Variants in NOTCH2 observed in about 807,000 individuals in gnomAD.
NOTCH2 encodes notch receptor 2.
NOTCH2 carries 29 observed loss-of-function variants against 235.8 expected under a neutral mutation model. The observed-to-expected ratio is 0.12, with a 90% confidence interval of 0.09 to 0.17. NOTCH2 has a LOEUF of 0.17. NOTCH2 is among the 10% of genes least tolerant of loss of function. NOTCH2 has a pLI of 1.00. For missense variants in NOTCH2, 2,285 were observed against 3,150.2 expected, an observed-to-expected ratio of 0.73 and a Z score of 6.57; for synonymous variants, 1,086 against 1,141.5, an observed-to-expected ratio of 0.95 and a Z score of 0.98.
At chr1:120,001,974 C>G (rs1360827584) in intron 3 of NOTCH2, among the ~76,000 whole-genome samples, 1 of 152,042 alleles carries the variant, frequency 6.6e-6, no homozygotes, top group East Asian at 1.9e-4. Context: ...GGGCAAAGTT[C>G]TCAAGAAGGC....
At chr1:119,918,062 T>C (rs1226823480) in intron 32 of NOTCH2, among the ~76,000 whole-genome samples, 1 of 152,148 alleles carries the variant, frequency 6.6e-6, no homozygotes, top group African/African-American at 2.4e-5. Flanking sequence ...ATATATTACA[T>C]GTCAGAATTT....
At chr1:120,064,628 G>A (rs1275726775) in intron 1 of NOTCH2, among the ~76,000 whole-genome samples, 1 of 150,266 alleles carries the variant, frequency 6.7e-6, no homozygotes, top group Admixed American at 6.6e-5. Flanking sequence ...CACAGACCTG[G>A]CCCTCAAGGA....
chr1:119,980,253 T>C (rs1190931174), intron 5 of NOTCH2, among the ~76,000 whole-genome samples: 5 of 152,180 alleles, frequency 3.3e-5, no homozygotes, highest in Non-Finnish European at 7.3e-5. Context: ...ACTATAACTT[T>C]CCCATCTTCT....
At chr1:119,932,512 A>G (rs927708216) in intron 22 of NOTCH2, among the ~76,000 whole-genome samples, 2 of 152,128 alleles carry the variant, frequency 1.3e-5, no homozygotes, top group Non-Finnish European at 2.9e-5. Context: ...ACTCGAACCC[A>G]GGAGGCGGAG....
At chr1:120,040,941 T>C (rs1417414043) in intron 1 of NOTCH2, among the ~76,000 whole-genome samples, 1 of 144,904 alleles carries the variant, frequency 6.9e-6, no homozygotes, top group Non-Finnish European at 1.5e-5. Context: ...CTAGGGAGTC[T>C]GAGGCAGGAG....
At chr1:119,949,381 TTC>T (rs1553197459) in intron 15 of NOTCH2, among the ~76,000 whole-genome samples, 4 of 150,328 alleles carry the variant, frequency 2.7e-5, no homozygotes, top group African/African-American at 4.9e-5. Context: ...ACACTACTAT[TTC>T]TTTTTTTTTT....
intron 2 of NOTCH2, among the ~76,000 whole-genome samples, chr1:120,009,728 C>T (rs1314763808): frequency 2.7e-5 from 4 of 148,602 alleles, no homozygotes; most frequent in Admixed American, 6.6e-5. Context: ...CTCCACGCAC[C>T]GTTTTAATCA....
intron 5 of NOTCH2, 85 bp downstream of exon 5, chr1:119,986,875 T>C (rs1216132309): frequency 1.3e-6 from 2 of 1,578,056 alleles, no homozygotes; most frequent in Admixed American, 3.3e-5. Flanking sequence ...GCCTAAGATA[T>C]TTGTTACTGA....
In NOTCH2 at chr1:119,922,293, C is replaced by T. The variant is rs587737953; in HGVS notation, c.5156G>A (p.Arg1719Gln). Reference sequence around the variant, plus strand: ...ACGACGCTTGTGATTGCTTGCATCTCGGCGAAGAGTGAAACCTTCAGGCAG... The same window carrying T: ...ACGACGCTTGTGATTGCTTGCATCTTGGCGAAGAGTGAAACCTTCAGGCAG... The part of the protein sequence containing the change: ...LWLPEGFTLR[R>Q]DASNHKRREP... Residue 1719 changes from arginine to glutamine, a missense_variant, in exon 28 of 34, where the codon CGA (arginine) becomes CAA (glutamine). Around this residue, in one of 6 missense-constraint regions of NOTCH2, gnomAD observed 1,173 missense variants for 1,515.3 expected, o/e 0.77. Coordinates refer to ENST00000256646, the MANE Select transcript of NOTCH2 (RefSeq NM_024408.4). The T allele has an allele frequency of 7.8e-5, 126 of 1,614,160 alleles. No homozygotes were observed. The highest frequency in any genetic ancestry group is 1.0e-4 in the Non-Finnish European group (119 of 1,180,020).
intron 19 of NOTCH2, among the ~76,000 whole-genome samples, chr1:119,939,018 G>A (rs782683366): frequency 3.3e-5 from 5 of 152,102 alleles, no homozygotes; most frequent in Non-Finnish European, 5.9e-5. Flanking sequence ...TCCAGTTCAG[G>A]TTCATGAGTG....
intron 8 of NOTCH2, among the ~76,000 whole-genome samples, chr1:119,966,905 C>T (rs1246950720): frequency 6.6e-6 from 1 of 152,126 alleles, no homozygotes. Context: ...GCTGGAGTGG[C>T]CGGCAGCCTT....
At chr1:119,957,642 C>A (rs587654338) in intron 12 of NOTCH2, among the ~76,000 whole-genome samples, 9 of 152,172 alleles carry the variant, frequency 5.9e-5, no homozygotes, top group East Asian at 1.9e-4. Context: ...GAACAGGGGA[C>A]CACCTAGTAA....
At chr1:120,006,799 C>T (rs1396505077) in intron 2 of NOTCH2, among the ~76,000 whole-genome samples, 1 of 152,134 alleles carries the variant, frequency 6.6e-6, no homozygotes, top group Non-Finnish European at 1.5e-5. Context: ...CCTGATTTTC[C>T]TAATCATTGT....
chr1:119,999,107 G>A (rs1652606922), intron 3 of NOTCH2, among the ~76,000 whole-genome samples: 2 of 138,096 alleles, frequency 1.4e-5, no homozygotes, highest in Admixed American at 7.3e-5. Context: ...CATTTGGGTT[G>A]GTTCCAAGTC....
At position 119,913,032 on chromosome 1, in the gene NOTCH2, G is replaced by T. The variant is rs968739253; in HGVS notation, c.*2274C>A. 4.7e-5 allele frequency: 11 copies of T among 233,402 alleles called. No individual in the cohort carries two copies. The highest frequency in any genetic ancestry group is 1.8e-4 in the African/African-American group (8 of 45,350). The allele number at this position is 233,402 out of a possible 1,614,324, so 14.5% of individuals were successfully genotyped here. On this transcript the variant is annotated 3_prime_UTR_variant, in exon 34 of 34. Transcript: ENST00000256646. Reference sequence around the variant, plus strand: ...ATCAGTAGCTGATACTTTCAGAAGTGGGGCTGGAGCAGGAGGGCAGAAAGG... The same window carrying T: ...ATCAGTAGCTGATACTTTCAGAAGTTGGGCTGGAGCAGGAGGGCAGAAAGG...
intron 22 of NOTCH2, among the ~76,000 whole-genome samples, chr1:119,931,522 TGAAGAA>T (rs782487923): frequency 3.3e-5 from 5 of 152,046 alleles, no homozygotes; most frequent in African/African-American, 4.8e-5. Flanking sequence ...AGGAAAACTA[TGAAGAA>T]GAAGATCCTT....
In NOTCH2 at chr1:119,918,694, C is replaced by A; in HGVS notation, c.5782-141G>T. 3 of 785,790 alleles carry A rather than the reference C, an allele frequency of 3.8e-6. No homozygotes were observed. In the South Asian group the frequency reaches 4.4e-5, roughly 12 times the overall value. 48.7% of individuals were successfully genotyped at this position (785,790 alleles called of 1,614,324 possible). Reference sequence around the variant, plus strand: ...GGGAAAGTCTTGTTATCTTTGTGCCCAAGATTCTATCATGATCAATCAATA... The same window carrying A: ...GGGAAAGTCTTGTTATCTTTGTGCCAAAGATTCTATCATGATCAATCAATA... On this transcript the variant is annotated intron_variant, in intron 31 of 33. Transcript: ENST00000256646.
At chr1:120,037,698 TAA>T (rs1191325012) in intron 1 of NOTCH2, among the ~76,000 whole-genome samples, 1 of 151,628 alleles carries the variant, frequency 6.6e-6, no homozygotes, top group Non-Finnish European at 1.5e-5. Context: ...AAAAAAGCAA[TAA>T]GAGATAAATC....
In NOTCH2 at chr1:119,935,583, C is replaced by T. The variant is rs782277118; in HGVS notation, c.3544G>A (p.Val1182Ile). 3.7e-6 allele frequency: 6 copies of T among 1,614,050 alleles called. No individual in the cohort carries two copies. In the African/African-American group the frequency reaches 8.0e-5, roughly 22 times the overall value. Residue 1182 changes from valine (V) to isoleucine (I), a missense_variant, in exon 22 of 34, where the codon GTC becomes ATC. Physicochemically the swap from Val to Ile is conservative, Grantham distance 29. Around this residue, in one of 6 missense-constraint regions of NOTCH2, gnomAD observed 1,173 missense variants for 1,515.3 expected, o/e 0.77. Coordinates refer to ENST00000256646, the MANE Select transcript of NOTCH2 (RefSeq NM_024408.4). ...TCATCCACTTCATACTCACAGTTGA[C>T]ACCCTGATAGCCTGGGACACACTGC... ...RCECVPGYQG[V>I]NCEYEVDECQ...
Sources: allele counts gnomAD v4.1 joint callset (sites outside exome capture counted in the v4.1 genomes callset), GRCh38; gene constraint gnomAD v4.1.1; regional missense constraint gnomAD v4.1.1; transcripts MANE v1.5; gene names NCBI Gene and HGNC (gene_info 2026-07-23, HGNC 2026-07-21).